The following THSD7A variants were observed in gnomAD, a reference collection of about 807,000 sequenced individuals.
The protein encoded by THSD7A is thrombospondin type-1 domain-containing protein 7A.
A neutral mutation model predicts 231.3 loss-of-function variants in THSD7A; 96 were observed. The observed-to-expected ratio is 0.41, with a 90% CI of 0.35 to 0.49. The LOEUF (loss-of-function observed/expected upper bound fraction) is 0.49, where lower values mean the gene tolerates loss of function less well. Ranked by LOEUF, THSD7A falls within the 20% of genes least tolerant of loss-of-function variation. THSD7A has a pLI of 0.05. For missense variants in THSD7A, 2,290 were observed against 2,070.2 expected, an observed-to-expected ratio of 1.11 and a Z score of -2.06; for synonymous variants, 940 against 743.3, an observed-to-expected ratio of 1.26 and a Z score of -4.30.
intron 1 of THSD7A, among the ~76,000 whole-genome samples, chr7:11,717,722 C>T (rs954683634): frequency 6.6e-6 from 1 of 151,598 alleles, no homozygotes; most frequent in East Asian, 2.0e-4. Context: ...TGCTTCTACA[C>T]CTACCTGTTT....
chr7:11,483,494 T>C (rs1786514805), intron 6 of THSD7A, among the ~76,000 whole-genome samples: 1 of 152,208 alleles, frequency 6.6e-6, no homozygotes, highest in South Asian at 2.1e-4. Context: ...AGCTCTCAAA[T>C]TTTGTTTTTA....
chr7:11,428,352 C>G (rs570011188), intron 14 of THSD7A, among the ~76,000 whole-genome samples: 101 of 152,196 alleles, frequency 6.6e-4, no homozygotes, highest in African/African-American at 2.2e-3. Context: ...AGAACGACAA[C>G]TATTAACAGC....
chr7:11,771,800 G>A (rs547825008), intron 1 of THSD7A, among the ~76,000 whole-genome samples: 8 of 152,258 alleles, frequency 5.3e-5, no homozygotes, highest in South Asian at 2.1e-4. Context: ...GGATCATGGC[G>A]GTAGATCTTT....
At chr7:11,582,127 T>C (rs758102847) in intron 4 of THSD7A, among the ~76,000 whole-genome samples, 22 of 152,180 alleles carry the variant, frequency 1.4e-4, no homozygotes, top group Non-Finnish European at 2.9e-4. Context: ...AAAAAATCGG[T>C]ATTTTTTTCT....
chr7:11,514,530 G>C (rs541369864), intron 6 of THSD7A, among the ~76,000 whole-genome samples: 1 of 152,244 alleles, frequency 6.6e-6, no homozygotes, highest in Non-Finnish European at 1.5e-5. Flanking sequence ...GAAAAGAGAA[G>C]GAGGAGATCA....
At chr7:11,551,668 T>A (rs1191930036) in intron 4 of THSD7A, among the ~76,000 whole-genome samples, 1 of 152,088 alleles carries the variant, frequency 6.6e-6, no homozygotes, top group Non-Finnish European at 1.5e-5. Context: ...CCAGTCAGAA[T>A]GGCTACTATT....
intron 5 of THSD7A, among the ~76,000 whole-genome samples, chr7:11,541,897 T>C (rs1433237412): frequency 6.6e-6 from 1 of 151,792 alleles, no homozygotes; most frequent in Non-Finnish European, 1.5e-5. Context: ...AGAAATGTCA[T>C]ATAGTACCCA....
chr7:11,379,549 G>T, intron 25 of THSD7A, 81 bp downstream of exon 25: 1 of 1,293,036 alleles, frequency 7.7e-7, no homozygotes, highest in Non-Finnish European at 1.1e-6. Context: ...TGCTTTCTTT[G>T]GAGGAAGATA....
chr7:11,807,996 C>T (rs1026396201), intron 1 of THSD7A, among the ~76,000 whole-genome samples: 2 of 152,108 alleles, frequency 1.3e-5, no homozygotes, highest in African/African-American at 4.8e-5. Flanking sequence ...GTCTTCTATG[C>T]TCCCCATTGT....
intron 1 of THSD7A, among the ~76,000 whole-genome samples, chr7:11,825,089 T>C (rs1405533254): frequency 6.6e-6 from 1 of 152,208 alleles, no homozygotes; most frequent in Non-Finnish European, 1.5e-5. Context: ...TGTCCTTTAG[T>C]TGGAGAAAAC....
chr7:11,820,301 C>A lies in THSD7A; in HGVS notation c.190+11456G>T, dbSNP rs758967261. The A allele has an allele frequency of 8.5e-6, 5 of 590,268 alleles. No homozygotes were observed. The African/African-American group carries it at 9.7e-5, about 11-fold the overall frequency. The allele number at this position is 590,268 out of a possible 1,614,324, so 36.6% of individuals were successfully genotyped here. ...ACCTCTCTCCCCTGGGCAAGGAATT[C>A]CGTAAAGAGTGGACCCTACTCGGTT... On this transcript the variant is annotated intron_variant, in intron 1 of 27. Transcript: ENST00000423059.
chr7:11,458,311 T>G (rs1171727071), intron 11 of THSD7A, among the ~76,000 whole-genome samples: 2 of 152,068 alleles, frequency 1.3e-5, no homozygotes. Context: ...GAAGAAAATT[T>G]TGTCTTCTTG....
chr7:11,379,649 G>A lies in THSD7A; in HGVS notation c.4571C>T (p.Pro1524Leu). ...ACATACCTCGCTACAGTACGAGTGGGGTTGACTACACGGTGGGTTACAAGA... is the reference window on the plus strand; with the variant it reads ...ACATACCTCGCTACAGTACGAGTGGAGTTGACTACACGGTGGGTTACAAGA... ...DRSCNPPCSQ[P>L]HSYCSETKTC... is the part of the protein sequence containing the mutation. Residue 1524 changes from proline (P) to leucine (L), a missense_variant, in exon 25 of 28, where the codon CCC becomes CTC. By Grantham distance (98) the Pro-to-Leu change is moderately conservative (BLOSUM62 -3). Coordinates refer to ENST00000423059, the MANE Select transcript of THSD7A (RefSeq NM_015204.3). The A allele has an allele frequency of 6.3e-7, 1 of 1,588,110 alleles. No individual in the cohort carries two copies. The highest frequency in any genetic ancestry group is 8.6e-7 in the Non-Finnish European group (1 of 1,166,420).
chr7:11,617,631 G>T (rs1781152688), intron 2 of THSD7A, among the ~76,000 whole-genome samples: 2 of 152,120 alleles, frequency 1.3e-5, no homozygotes, highest in Non-Finnish European at 2.9e-5. Context: ...ACTTACACAG[G>T]TTATCAACAA....
intron 4 of THSD7A, among the ~76,000 whole-genome samples, chr7:11,552,658 A>G (rs1458789480): frequency 7.9e-5 from 12 of 151,978 alleles, no homozygotes; most frequent in Non-Finnish European, 1.8e-4. Flanking sequence ...CAGCCTGTAA[A>G]ATTGAGCTGC....
Position 11,814,373 on chromosome 7 carries a change from A to G in THSD7A, c.190+17384T>C, listed in dbSNP as rs1784619256. Among the ~76,000 whole-genome samples, 1 of 152,210 alleles carries G rather than the reference A, an allele frequency of 6.6e-6. No individual in the cohort carries two copies. Among genetic ancestry groups the G allele is most frequent in the Admixed American group, 6.6e-5 (1 of 15,266 alleles). On this transcript the variant is annotated intron_variant, in intron 1 of 27. Coordinates refer to ENST00000423059, the MANE Select transcript of THSD7A (RefSeq NM_015204.3). The surrounding 1 kb of genome is among the most constrained non-coding windows in gnomAD (Gnocchi z 5.1). ...ACAAAGGAGATTCATCTCATTTATA[A>G]TAACATGGCACAAAAGTAATTTTCA...
At chr7:11,807,115 T>A (rs1036273189) in intron 1 of THSD7A, among the ~76,000 whole-genome samples, 1 of 152,162 alleles carries the variant, frequency 6.6e-6, no homozygotes, top group Non-Finnish European at 1.5e-5. Flanking sequence ...TACTCTGAAG[T>A]GTTTTAAACA....
At chr7:11,794,731 G>A (rs763317062) in intron 1 of THSD7A, among the ~76,000 whole-genome samples, 14 of 151,896 alleles carry the variant, frequency 9.2e-5, no homozygotes, top group Non-Finnish European at 1.6e-4. Context: ...TTTTGCCAGT[G>A]AGGCATTTTT....
At chr7:11,603,061 A>G (rs938679433) in intron 2 of THSD7A, among the ~76,000 whole-genome samples, 3 of 150,932 alleles carry the variant, frequency 2.0e-5, no homozygotes, top group Middle Eastern at 3.4e-3. Flanking sequence ...TCTGCACAGC[A>G]AAAGAAACTA....
Sources: allele counts gnomAD v4.1 joint callset (sites outside exome capture counted in the v4.1 genomes callset), GRCh38; gene constraint gnomAD v4.1.1; non-coding constraint Gnocchi (gnomAD v3.1); transcripts MANE v1.5; gene names NCBI Gene and HGNC (gene_info 2026-07-23, HGNC 2026-07-21).